CADPS: variants seen among roughly 807,000 people sequenced by gnomAD.
CADPS encodes calcium dependent secretion activator, also known as calcium-dependent secretion activator 1.
Under a neutral mutation model 167.3 loss-of-function variants are expected in CADPS, and 57 were observed. The observed-to-expected ratio is 0.34, with a 90% CI of 0.28 to 0.42. The LOEUF is 0.42. CADPS is among the 20% of genes least tolerant of loss of function. The pLI is 1.00. For synonymous variants in CADPS, 676 were observed against 635.3 expected (o/e 1.06, Z -0.96); for missense variants, 1,414 against 1,738.1 (o/e 0.81, Z 3.32).
rs1268261563 is a variant in CADPS, at chr3:62,721,139, A to ATTTTTTTTTTTTTTTTTT, written c.888+32301_888+32302insAAAAAAAAAAAAAAAAAA. 7.1e-5 allele frequency among the ~76,000 whole-genome samples: 8 copies of ATTTTTTTTTTTTTTTTTT among 113,084 alleles called. 1 individual carries two copies. The highest frequency in any genetic ancestry group is 2.8e-4 in the African/African-American group (7 of 25,258). The allele number at this position is 113,084 out of a possible 152,430, so 74.2% of individuals were successfully genotyped here. A position where few individuals can be genotyped will look rare whatever the true frequency, so the allele number is the denominator to read the frequency against. ...GCAGGTTTTTTTTTTTTTTTTAAAA[A>ATTTTTTTTTTTTTTTTTT]AAAAAAGAAGAAAAAAGAAAAAGTA... On this transcript the variant is annotated intron_variant, in intron 3 of 29. Coordinates refer to ENST00000383710, the MANE Select transcript of CADPS (RefSeq NM_003716.4).
intron 3 of CADPS, among the ~76,000 whole-genome samples, chr3:62,730,131 C>T (rs878943175): frequency 9.2e-5 from 14 of 152,016 alleles, no homozygotes; most frequent in African/African-American, 2.9e-4. Context: ...CACTTCATGA[C>T]GGTCTTCTTT....
intron 17 of CADPS, among the ~76,000 whole-genome samples, chr3:62,507,915 A>G (rs1443444926): frequency 2.0e-5 from 3 of 152,234 alleles, no homozygotes; most frequent in East Asian, 3.8e-4. Context: ...TATTTAGAAT[A>G]TGTATTTTAA....
intron 1 of CADPS, among the ~76,000 whole-genome samples, chr3:62,772,551 AC>A (rs202019946): frequency 0.023 from 3,456 of 152,278 alleles, 65 homozygotes; most frequent in South Asian, 0.061. Context: ...TGTGGTCCTT[AC>A]ATTTTTTGGG....
intron 24 of CADPS, among the ~76,000 whole-genome samples, chr3:62,467,998 ATT>A (rs1391872025): frequency 2.0e-5 from 3 of 152,154 alleles, no homozygotes; most frequent in African/African-American, 7.2e-5. Flanking sequence ...ATTTTAATTG[ATT>A]AGAGGAAAAA....
At chr3:62,685,932 G>A (rs1027102088) in intron 3 of CADPS, among the ~76,000 whole-genome samples, 14 of 152,142 alleles carry the variant, frequency 9.2e-5, no homozygotes, top group Non-Finnish European at 1.9e-4. Flanking sequence ...TAGCACTATA[G>A]GATGGCTATA....
intron 24 of CADPS, among the ~76,000 whole-genome samples, chr3:62,469,495 C>A (rs2060323301): frequency 6.6e-6 from 1 of 151,996 alleles, no homozygotes; most frequent in Admixed American, 6.6e-5. Context: ...TACCATTTTC[C>A]CATTTTCCAG....
At chr3:62,650,070 G>A (rs1287535301) in intron 5 of CADPS, among the ~76,000 whole-genome samples, 3 of 152,162 alleles carry the variant, frequency 2.0e-5, no homozygotes, top group Non-Finnish European at 4.4e-5. Flanking sequence ...GCAGACATGT[G>A]TTTTCATTTT....
intron 26 of CADPS, among the ~76,000 whole-genome samples, chr3:62,453,452 G>A (rs1390030117): frequency 2.0e-5 from 3 of 152,198 alleles, no homozygotes; most frequent in Non-Finnish European, 2.9e-5. Context: ...GTGTTTGGTT[G>A]ATGAAGTCAT....
chr3:62,659,636 C>T (rs2072662340), intron 4 of CADPS, among the ~76,000 whole-genome samples: 1 of 152,204 alleles, frequency 6.6e-6, no homozygotes, highest in South Asian at 2.1e-4. Flanking sequence ...CACTGGAAGA[C>T]AACAGCCTTG....
intron 3 of CADPS, among the ~76,000 whole-genome samples, chr3:62,687,452 G>C (rs1253820857): frequency 1.3e-5 from 2 of 151,964 alleles, no homozygotes; most frequent in African/African-American, 2.4e-5. Context: ...ACGTTAATAA[G>C]ACCTAAGAAA....
chr3:62,486,424 G>A (rs1415761739), intron 21 of CADPS, among the ~76,000 whole-genome samples: 4 of 125,436 alleles, frequency 3.2e-5, no homozygotes, highest in Non-Finnish European at 6.3e-5. Flanking sequence ...CAGCCTGGGC[G>A]ACAGAGCAAG....
chr3:62,655,979 C>A lies in CADPS; in HGVS notation c.970-4899G>T, dbSNP rs115265682. On this transcript the variant is annotated intron_variant, in intron 4 of 29. Transcript: ENST00000383710. ...GAGGGCATCAAGGAACTCATCCAGT[C>A]CATGACAGTGAAACGGACTCGACCC... is the stretch of plus-strand genomic sequence containing the variant. Among the ~76,000 whole-genome samples, 1,390 of 152,170 alleles carry A rather than the reference C, an allele frequency of 9.1e-3. 9 individuals carry two copies. The highest frequency in any genetic ancestry group is 0.015 in the Non-Finnish European group (1,046 of 67,990).
chr3:62,798,104 G>C (rs962818), intron 1 of CADPS, among the ~76,000 whole-genome samples: 22,820 of 152,106 alleles, frequency 0.15, 1,965 homozygotes, highest in African/African-American at 0.23. Flanking sequence ...TCCAGACTGA[G>C]ATAAACGCAA....
chr3:62,583,078 A>G (rs1258128315), intron 8 of CADPS, among the ~76,000 whole-genome samples: 2 of 152,128 alleles, frequency 1.3e-5, no homozygotes, highest in African/African-American at 2.4e-5. Flanking sequence ...AAGTTTAAAA[A>G]AAGCACTTTA....
Position 62,465,341 on chromosome 3 carries a change from A to G in CADPS, c.3636+26T>C. ...GAAACCAAAAATTAAAACAAAAGCC[A>G]GGAAATAAAGAAGCTCTTTACTTAC... On this transcript the variant is annotated intron_variant, in intron 26 of 29. Transcript: ENST00000383710. This position sits in a 1 kb window ranked among gnomAD's most constrained non-coding sequence, Gnocchi z 4.1. 1 of 1,538,058 alleles carries G rather than the reference A, an allele frequency of 6.5e-7. No homozygotes were observed. The highest frequency in any genetic ancestry group is 2.3e-5 in the East Asian group (1 of 44,406).
In CADPS at chr3:62,438,207, G is replaced by T. The variant is rs774846596; in HGVS notation, c.3674C>A (p.Pro1225His). ...GTAGGCGTCGGCCACGTCCATCCCGGGTTTCTGTAAAGAAACAGGAAAACA... is the reference window on the plus strand; with the variant it reads ...GTAGGCGTCGGCCACGTCCATCCCGTGTTTCTGTAAAGAAACAGGAAAACA... ...AASKYVDVPK[P>H]GMDVADAYVT... Residue 1225 changes from proline to histidine, a missense_variant, in exon 28 of 30, where the codon CCC becomes CAC. Pro to His is a moderately conservative substitution (Grantham distance 77). This residue lies in a region of CADPS where 185 missense variants were observed against 251.5 expected (regional missense o/e 0.74). Coordinates refer to ENST00000383710, the MANE Select transcript of CADPS (RefSeq NM_003716.4). This position sits in a 1 kb window ranked among gnomAD's most constrained non-coding sequence, Gnocchi z 4.7. 1 of 1,612,672 alleles carries T rather than the reference G, an allele frequency of 6.2e-7. No homozygotes were observed. Among genetic ancestry groups the T allele is most frequent in the Non-Finnish European group, 8.5e-7 (1 of 1,178,952 alleles).
intron 6 of CADPS, among the ~76,000 whole-genome samples, chr3:62,622,432 G>A (rs1388604670): frequency 2.6e-5 from 4 of 152,066 alleles, no homozygotes; most frequent in Non-Finnish European, 5.9e-5. Flanking sequence ...GAACAATCAG[G>A]CCCATATGCA....
At chr3:62,858,911 T>C (rs1341982891) in intron 1 of CADPS, among the ~76,000 whole-genome samples, 5 of 152,162 alleles carry the variant, frequency 3.3e-5, no homozygotes, top group Non-Finnish European at 7.4e-5. Flanking sequence ...TTATAGAAAA[T>C]GTTTGGATTT....
chr3:62,731,804 G>GCAAAAAAAAAA (rs2077882735), intron 3 of CADPS, among the ~76,000 whole-genome samples: 1 of 9,188 alleles, frequency 1.1e-4, no homozygotes, highest in East Asian at 1.5e-3. Flanking sequence ...CTGATCATAT[G>GCAAAAAAAAAA]CAAAAAAAAA....
Sources: gnomAD v4.1 joint callset for allele counts (sites outside exome capture counted in the v4.1 genomes callset) on GRCh38, gnomAD v4.1.1 for gene constraint, gnomAD v4.1.1 regional missense constraint, Gnocchi (gnomAD v3.1) non-coding constraint, MANE v1.5 for transcripts, NCBI Gene and HGNC (gene_info 2026-07-23, HGNC 2026-07-21) for gene names.